The following SLC68A1 variants were observed in gnomAD, a reference collection of about 807,000 sequenced individuals.
SLC68A1 encodes solute carrier family 68 member 1.
chr10:102,476,454 C>T, the SLC68A1 span: 1 of 957,484 alleles, frequency 1.0e-6, no homozygotes, highest in Non-Finnish European at 1.2e-6. Context: ...ATCTGCCTGC[C>T]TTGGTCTCCC....
chr10:102,470,234 G>A, the SLC68A1 span, among the ~76,000 whole-genome samples: 1 of 152,148 alleles, frequency 6.6e-6, no homozygotes, highest in Admixed American at 6.5e-5. Flanking sequence ...GCTCTGTTTG[G>A]GTTGGAGAGG....
At chr10:102,467,601 T>C in the SLC68A1 span, among the ~76,000 whole-genome samples, 1 of 152,194 alleles carries the variant, frequency 6.6e-6, no homozygotes, top group African/African-American at 2.4e-5. Flanking sequence ...TGGGACAAGA[T>C]AGGATCACTG....
At chr10:102,470,886 A>G in the SLC68A1 span, 1 of 1,613,054 alleles carries the variant, frequency 6.2e-7, no homozygotes, top group East Asian at 2.2e-5. Flanking sequence ...TCAGCCCACG[A>G]CCGCACCCAC....
At chr10:102,469,967 C>G in the SLC68A1 span, 1 of 1,610,988 alleles carries the variant, frequency 6.2e-7, no homozygotes, top group Admixed American at 1.7e-5. Flanking sequence ...CTAGAGCCCA[C>G]CTTCCTGTCT....
chr10:102,465,582 G>C, the SLC68A1 span, among the ~76,000 whole-genome samples: 1 of 152,176 alleles, frequency 6.6e-6, no homozygotes, highest in Non-Finnish European at 1.5e-5. Flanking sequence ...GAGAGGGAGT[G>C]ACTGGCTCAA....
the SLC68A1 span, chr10:102,469,232 G>A: frequency 4.3e-6 from 7 of 1,610,532 alleles, no homozygotes; most frequent in Non-Finnish European, 5.9e-6. Context: ...CATGGAGGAG[G>A]GGGTGGGGTG....
chr10:102,464,789 CA>C, the SLC68A1 span, among the ~76,000 whole-genome samples: 5 of 120,642 alleles, frequency 4.1e-5, no homozygotes, highest in Non-Finnish European at 3.3e-5. Flanking sequence ...GACTCTGTCT[CA>C]AAAAAAAAAA....
the SLC68A1 span, chr10:102,476,052 G>GTTT: frequency 5.7e-5 from 42 of 738,274 alleles, no homozygotes; most frequent in Non-Finnish European, 6.2e-5. Context: ...GTTTTTTTTG[G>GTTT]TTTTTTTTTT....
chr10:102,476,743 C>T, the SLC68A1 span: 1 of 986,140 alleles, frequency 1.0e-6, no homozygotes, highest in South Asian at 4.7e-5. Context: ...GTGGTGCACA[C>T]AGGCCTGCCA....
chr10:102,467,182 G>C, the SLC68A1 span, among the ~76,000 whole-genome samples: 1 of 152,070 alleles, frequency 6.6e-6, no homozygotes, highest in Non-Finnish European at 1.5e-5. Flanking sequence ...GATTACAGGC[G>C]CCCGCCACCA....
chr10:102,469,645 C>A, the SLC68A1 span, among the ~76,000 whole-genome samples: 1 of 151,474 alleles, frequency 6.6e-6, no homozygotes, highest in Admixed American at 6.6e-5. Flanking sequence ...CTTCGTGGTT[C>A]AAGTGATTCT....
the SLC68A1 span, chr10:102,476,056 TTTTTTTAAGGATTTCATAG>T: frequency 7.5e-7 from 1 of 1,324,632 alleles, no homozygotes; most frequent in Non-Finnish European, 9.7e-7. Context: ...TTTTTGGTTT[TTTTTTTAAGGATTTCATAG>T]TTTTTTTTTT....
chr10:102,474,125 C>T, the SLC68A1 span: 10 of 1,150,320 alleles, frequency 8.7e-6, no homozygotes, highest in East Asian at 2.6e-5. Context: ...TGGCAACTGG[C>T]GTCCCCTCAA....
chr10:102,462,889 CCTTG>C, the SLC68A1 span, among the ~76,000 whole-genome samples: 5 of 152,198 alleles, frequency 3.3e-5, no homozygotes, highest in African/African-American at 4.8e-5. Flanking sequence ...GTACCTGCTG[CCTTG>C]CTTTAGTGTC....
the SLC68A1 span, among the ~76,000 whole-genome samples, chr10:102,463,377 T>C: frequency 6.6e-6 from 1 of 152,122 alleles, no homozygotes; most frequent in South Asian, 2.1e-4. Context: ...TTCATCGTGT[T>C]AGCCAGGATG....
chr10:102,468,834 A>C, the SLC68A1 span: 9 of 557,088 alleles, frequency 1.6e-5, no homozygotes, highest in East Asian at 6.0e-5. Context: ...CATAATTCCC[A>C]GCGCTGTTGT....
At chr10:102,476,832 A>G in the SLC68A1 span, 3 of 985,620 alleles carry the variant, frequency 3.0e-6, no homozygotes, top group Non-Finnish European at 3.6e-6. Flanking sequence ...TAATACTGCA[A>G]CTGCTCCCTT....
At chr10:102,466,404 A>G in the SLC68A1 span, among the ~76,000 whole-genome samples, 4 of 148,978 alleles carry the variant, frequency 2.7e-5, no homozygotes, top group Non-Finnish European at 5.9e-5. Flanking sequence ...AATTGCTTGA[A>G]CCTGGGAAGC....
chr10:102,463,241 CG>C, the SLC68A1 span, among the ~76,000 whole-genome samples: 2 of 149,422 alleles, frequency 1.3e-5, no homozygotes, highest in Admixed American at 1.3e-4. Context: ...GGCGCGATTT[CG>C]GCTCACTGCA....
Sources: gnomAD v4.1 joint callset for allele counts (sites outside exome capture counted in the v4.1 genomes callset) on GRCh38, gnomAD v4.1.1 for gene constraint, MANE v1.5 for transcripts, NCBI Gene and HGNC (gene_info 2026-07-23, HGNC 2026-07-21) for gene names.